The following PRKG1 variants were observed in gnomAD, a reference collection of about 807,000 sequenced individuals.
PRKG1 encodes the protein protein kinase cGMP-dependent 1.
PRKG1 carries 35 observed loss-of-function variants against 88.1 expected under a neutral mutation model. The ratio of observed to expected loss-of-function variants is 0.40; its 90% CI spans 0.30 to 0.53. The LOEUF (loss-of-function observed/expected upper bound fraction) is 0.53, where lower values mean the gene tolerates loss of function less well. PRKG1 is among the 20% of genes least tolerant of loss of function. The pLI is 0.59. For missense variants in PRKG1, 540 were observed against 839.8 expected, an observed-to-expected ratio of 0.64 and a Z score of 4.41; for synonymous variants, 303 against 292.5, an observed-to-expected ratio of 1.04 and a Z score of -0.37.
chr10:51,044,090 T>C (rs576191321), intron 1 of PRKG1, among the ~76,000 whole-genome samples: 38 of 152,290 alleles, frequency 2.5e-4, no homozygotes, highest in Middle Eastern at 6.8e-3. Flanking sequence ...AGTCACAAAG[T>C]TGAAGTAGTA....
At chr10:52,239,521 T>TAAAAA in intron 9 of PRKG1, among the ~76,000 whole-genome samples, 24 of 56,736 alleles carry the variant, frequency 4.2e-4, no homozygotes, top group East Asian at 2.4e-3. Context: ...TTCTACAGTG[T>TAAAAA]AAAAAAAAAA....
intron 5 of PRKG1, among the ~76,000 whole-genome samples, chr10:51,922,333 T>C (rs1842480957): frequency 6.6e-6 from 1 of 151,766 alleles, no homozygotes; most frequent in Non-Finnish European, 1.5e-5. Flanking sequence ...TTATTCATCT[T>C]TTCCAAGAAC....
intron 9 of PRKG1, among the ~76,000 whole-genome samples, chr10:52,176,459 G>T (rs181032889): frequency 1.2e-3 from 184 of 151,924 alleles, no homozygotes; most frequent in African/African-American, 4.2e-3. Context: ...GATGCCTTCA[G>T]GTCCACCCTA....
At chr10:52,255,284 G>C (rs1268253250) in intron 10 of PRKG1, among the ~76,000 whole-genome samples, 1 of 151,996 alleles carries the variant, frequency 6.6e-6, no homozygotes, top group African/African-American at 2.4e-5. Context: ...GTGAAAATTA[G>C]TCCCATTGCC....
At chr10:51,342,154 G>A (rs1208715600) in intron 2 of PRKG1, among the ~76,000 whole-genome samples, 1 of 152,120 alleles carries the variant, frequency 6.6e-6, no homozygotes, top group African/African-American at 2.4e-5. Context: ...AGGCATAATG[G>A]TAACACCTCA....
chr10:51,527,094 T>C (rs997647883), intron 3 of PRKG1, among the ~76,000 whole-genome samples: 6 of 152,194 alleles, frequency 3.9e-5, no homozygotes, highest in African/African-American at 1.2e-4. Flanking sequence ...AAACTAGAAT[T>C]TGAATTTCAC....
At chr10:51,252,246 G>A (rs558594347) in intron 2 of PRKG1, among the ~76,000 whole-genome samples, 1 of 151,782 alleles carries the variant, frequency 6.6e-6, no homozygotes, top group Non-Finnish European at 1.5e-5. Flanking sequence ...ACTAGGAATT[G>A]CAAGTCTTCA....
chr10:52,282,139 T>C lies in PRKG1; in HGVS notation c.1546-14T>C, dbSNP rs1398979691. 6.4e-7 allele frequency: 1 copy of C among 1,572,486 alleles called. No individual in the cohort carries two copies. The highest frequency in any genetic ancestry group is 1.2e-5 in the South Asian group (1 of 84,588). On this transcript the variant is annotated splice_polypyrimidine_tract_variant and intron_variant, in intron 13 of 17. Transcript: ENST00000373980. ...ATAAGGAGCTTAAGTATCTTGTTTT[T>C]CTCTCTTTGTAAGGTTGATTTTGGC...
At chr10:51,166,795 A>C (rs1846555364) in intron 2 of PRKG1, among the ~76,000 whole-genome samples, 1 of 152,186 alleles carries the variant, frequency 6.6e-6, no homozygotes. Flanking sequence ...GTGTGTTTCC[A>C]CCTGCAGAAA....
intron 3 of PRKG1, among the ~76,000 whole-genome samples, chr10:51,549,934 T>G (rs1837081280): frequency 6.6e-6 from 1 of 152,130 alleles, no homozygotes; most frequent in Non-Finnish European, 1.5e-5. Flanking sequence ...GTTTTGTTTT[T>G]GTTATTGCTT....
At chr10:52,096,131 T>C (rs908118228) in intron 7 of PRKG1, among the ~76,000 whole-genome samples, 2 of 152,186 alleles carry the variant, frequency 1.3e-5, no homozygotes, top group African/African-American at 4.8e-5. Context: ...ACTTCTTGGC[T>C]CCTGTCACTG....
chr10:51,679,704 CTTT>C (rs200695914), intron 3 of PRKG1, among the ~76,000 whole-genome samples: 1 of 109,600 alleles, frequency 9.1e-6, no homozygotes. Context: ...GGGCAGGGAA[CTTT>C]TTTTTTTTTT....
intron 3 of PRKG1, among the ~76,000 whole-genome samples, chr10:51,767,548 A>G (rs1838196150): frequency 6.6e-6 from 1 of 152,174 alleles, no homozygotes; most frequent in African/African-American, 2.4e-5. Flanking sequence ...TCTGAATCAG[A>G]AGACTTGGGT....
intron 2 of PRKG1, among the ~76,000 whole-genome samples, chr10:51,382,787 T>C (rs1837142995): frequency 6.6e-6 from 1 of 152,182 alleles, no homozygotes; most frequent in Non-Finnish European, 1.5e-5. Context: ...CATTTCCAAC[T>C]GTGTCCTTCT....
At chr10:52,057,160 G>A (rs1846130314) in intron 6 of PRKG1, among the ~76,000 whole-genome samples, 1 of 152,146 alleles carries the variant, frequency 6.6e-6, no homozygotes, top group Admixed American at 6.6e-5. Flanking sequence ...GACACAATAG[G>A]GGCTGCCAAG....
chr10:51,646,382 T>G (rs1839915243), intron 3 of PRKG1, among the ~76,000 whole-genome samples: 1 of 151,906 alleles, frequency 6.6e-6, no homozygotes, highest in Non-Finnish European at 1.5e-5. Flanking sequence ...CCTCTTCCTC[T>G]AACCCTCTTC....
intron 4 of PRKG1, among the ~76,000 whole-genome samples, chr10:51,869,426 T>C (rs1841100902): frequency 6.6e-6 from 1 of 152,164 alleles, no homozygotes; most frequent in Admixed American, 6.5e-5. Context: ...TTGTGACTGC[T>C]TTGTAGCTAG....
intron 1 of PRKG1, among the ~76,000 whole-genome samples, chr10:51,003,451 A>AT (rs1481006402): frequency 6.6e-6 from 1 of 152,276 alleles, no homozygotes; most frequent in Admixed American, 6.5e-5. Flanking sequence ...GCTTCTTGAT[A>AT]TTAGAGCAAT....
chr10:51,603,888 C>T (rs1316454238), intron 3 of PRKG1, among the ~76,000 whole-genome samples: 1 of 152,146 alleles, frequency 6.6e-6, no homozygotes, highest in Admixed American at 6.5e-5. Flanking sequence ...CTATTGTCTT[C>T]AAGAGAGCTA....
Sources: gnomAD v4.1 joint callset for allele counts (sites outside exome capture counted in the v4.1 genomes callset) on GRCh38, gnomAD v4.1.1 for gene constraint, MANE v1.5 for transcripts, NCBI Gene and HGNC (gene_info 2026-07-23, HGNC 2026-07-21) for gene names.